Variants in UBAP2 observed in about 807,000 individuals in gnomAD.
UBAP2 encodes the protein ubiquitin-associated protein 2.
Under a neutral mutation model 139.6 loss-of-function variants are expected in UBAP2, and 75 were observed. The ratio of observed to expected loss-of-function variants is 0.54; its 90% CI spans 0.45 to 0.65. UBAP2 has a LOEUF of 0.65. Among genes scored for constraint, UBAP2 ranks in the 30% least tolerant of loss-of-function variants. UBAP2 has a pLI of 0.00. For missense variants in UBAP2, 1,368 were observed against 1,369.6 expected (o/e 1.00, Z 0.02); for synonymous variants, 526 against 526.2 (o/e 1.00, Z 0.01).
At chr9:33,966,412 C>T (rs1003940484) in intron 8 of UBAP2, among the ~76,000 whole-genome samples, 1 of 151,426 alleles carries the variant, frequency 6.6e-6, no homozygotes, top group African/African-American at 2.4e-5. Flanking sequence ...GTTGAGATCG[C>T]AACACTGCAC....
chr9:33,992,280 C>T (rs994689847), intron 4 of UBAP2, among the ~76,000 whole-genome samples: 7 of 147,930 alleles, frequency 4.7e-5, no homozygotes, highest in East Asian at 2.0e-4. Flanking sequence ...CCCAGCTACT[C>T]GGGAGGCTGA....
chr9:33,989,085 T>A lies in UBAP2; in HGVS notation c.330A>T (p.Ala110=). 1.2e-6 allele frequency: 2 copies of A among 1,614,050 alleles called. No individual in the cohort carries two copies. The highest frequency in any genetic ancestry group is 1.7e-6 in the Non-Finnish European group (2 of 1,179,992). Residue 110 remains alanine (A), a synonymous_variant, in exon 5 of 29, where the codon GCA becomes GCT. Transcript: ENST00000379238. ...ETVGCKKKNF[A]KENSENKENR... ...TCTCTTTGTTTTCTGAATTTTCTTT[T>A]GCAAAATTCTTTTTCTTACACCCTA...
In UBAP2 at chr9:33,970,648, C is replaced by T. The variant is rs191642827; in HGVS notation, c.679+1003G>A. On this transcript the variant is annotated intron_variant, in intron 8 of 28. Transcript: ENST00000379238. ...GAGGTCTTACTATGTTAACCAGGCT[C>T]GTCTCAAACTCTGGCTCAAGTGATC... Among the ~76,000 whole-genome samples, 9 of 152,186 alleles carry T rather than the reference C, an allele frequency of 5.9e-5. No individual in the cohort carries two copies. In the East Asian group the frequency reaches 1.4e-3, roughly 23 times the overall value.
intron 8 of UBAP2, chr9:33,968,632 G>T: frequency 7.6e-6 from 2 of 264,536 alleles, no homozygotes; most frequent in Non-Finnish European, 1.5e-5. Flanking sequence ...ATAATCATAC[G>T]GATTTTTCTC....
intron 1 of UBAP2, among the ~76,000 whole-genome samples, chr9:34,045,279 G>A (rs1351030941): frequency 1.3e-5 from 2 of 151,488 alleles, no homozygotes; most frequent in African/African-American, 4.9e-5. Context: ...CCAGAAGGCG[G>A]AGCTTGAAGT....
At position 33,922,350 on chromosome 9, in the gene UBAP2, TAC is replaced by T. The variant is rs1244992978; in HGVS notation, c.*152_*153del. On this transcript the variant is annotated 3_prime_UTR_variant, in exon 29 of 29. Coordinates refer to ENST00000379238, the MANE Select transcript of UBAP2 (RefSeq NM_001370062.2). ...CAAATACATACATAAATACATTACA[TAC>T]AGTAGCCAGTCTGGGAGGCAGACTC... 2.2e-5 allele frequency: 16 copies of T among 724,938 alleles called. No homozygotes were observed. Among genetic ancestry groups the T allele is most frequent in the Non-Finnish European group, 3.6e-5 (15 of 417,554 alleles). 44.9% of individuals were successfully genotyped at this position (724,938 alleles called of 1,614,324 possible).
intron 4 of UBAP2, among the ~76,000 whole-genome samples, chr9:33,990,056 C>CAT (rs4008759): frequency 2.4e-4 from 36 of 149,598 alleles, no homozygotes; most frequent in African/African-American, 6.8e-4. Flanking sequence ...TCTAATCTAC[C>CAT]ATATATATAT....
Position 33,978,658 on chromosome 9 carries a change from T to TA in UBAP2, c.521-5422dup, listed in dbSNP as rs553238678. Among the ~76,000 whole-genome samples the TA allele has an allele frequency of 7.4e-4, 112 of 152,122 alleles. 1 individual carries two copies. The South Asian group carries it at 0.023, about 31-fold the overall frequency. The stretch of plus-strand genomic sequence containing the variant: ...AGCCCGATGTGCTGGCGGGTGCCTA[T>TA]AGTCCCAACTATTCGGGAGGCTGAG... On this transcript the variant is annotated intron_variant, in intron 6 of 28. Transcript: ENST00000379238.
chr9:33,939,610 G>T (rs541280699), intron 16 of UBAP2, among the ~76,000 whole-genome samples: 5 of 149,158 alleles, frequency 3.4e-5, no homozygotes, highest in Admixed American at 1.4e-4. Context: ...AATTAGCCAG[G>T]TATGGTGGCA....
chr9:34,049,173 A>C (rs183320868), upstream of UBAP2, among the ~76,000 whole-genome samples: 2 of 152,240 alleles, frequency 1.3e-5, no homozygotes, highest in African/African-American at 4.8e-5. Context: ...CCACAACTGC[A>C]GCTCGTCGTC....
At position 33,922,221 on chromosome 9, in the gene UBAP2, G is replaced by C; in HGVS notation, c.*283C>G. 1 of 433,738 alleles carries C rather than the reference G, an allele frequency of 2.3e-6. No individual in the cohort carries two copies. Among genetic ancestry groups the C allele is most frequent in the Non-Finnish European group, 4.3e-6 (1 of 235,138 alleles). 26.9% of individuals were successfully genotyped at this position (433,738 alleles called of 1,614,324 possible). On this transcript the variant is annotated 3_prime_UTR_variant, in exon 29 of 29. Transcript: ENST00000379238. The stretch of plus-strand genomic sequence containing the variant: ...AGACCTGAAGGCAGATGGGGTGGGG[G>C]TGCTTATTTTGCTACAGTGGAGAAG...
intron 1 of UBAP2, among the ~76,000 whole-genome samples, chr9:34,039,093 C>A (rs1037770961): frequency 6.6e-6 from 1 of 151,976 alleles, no homozygotes; most frequent in African/African-American, 2.4e-5. Context: ...GCAGCCACCC[C>A]GTCTGGGAAG....
chr9:34,024,866 C>G (rs1825274807), intron 1 of UBAP2, among the ~76,000 whole-genome samples: 1 of 152,064 alleles, frequency 6.6e-6, no homozygotes, highest in East Asian at 1.9e-4. Context: ...AGCCTGTAAT[C>G]CCAGCTATTT....
intron 12 of UBAP2, 68 bp from the exon 13 acceptor site, chr9:33,948,655 A>T (rs1825846291): frequency 1.6e-6 from 2 of 1,273,434 alleles, no homozygotes; most frequent in East Asian, 4.7e-5. Flanking sequence ...TTTAAAACAT[A>T]TCAAGTATTT....
At chr9:34,020,150 TAAA>T (rs1174976366) in intron 1 of UBAP2, among the ~76,000 whole-genome samples, 2,145 of 127,038 alleles carry the variant, frequency 0.017, 32 homozygotes, top group South Asian at 0.027. Context: ...ACTCCATTAT[TAAA>T]AAAAAAAAAA....
rs147797089 is a variant in UBAP2 at position 33,952,608 on chromosome 9, G to A, written c.1056+677C>T. ...AGCAAGTCAATTCTGATAAACTTTC[G>A]CATTTAATTGGAAAACAAGAAATTG... On this transcript the variant is annotated intron_variant, in intron 12 of 28. Coordinates refer to ENST00000379238, the MANE Select transcript of UBAP2 (RefSeq NM_001370062.2). Among the ~76,000 whole-genome samples the A allele has an allele frequency of 4.8e-3, 727 of 152,178 alleles. 21 individuals carry two copies. The highest frequency in any genetic ancestry group is 0.045 in the Admixed American group (684 of 15,288).
Position 33,923,300 on chromosome 9 carries a change from TG to T in UBAP2, c.2897-8del. On this transcript the variant is annotated splice_polypyrimidine_tract_variant and splice_region_variant and intron_variant, in intron 25 of 28. Transcript: ENST00000379238. The stretch of plus-strand genomic sequence containing the variant: ...TGGGTCAGGTCGTCATAACCTAGCG[TG>T]GCAGGGTACAAGAGGCAAGTGTGAG... 6.2e-7 allele frequency: 1 copy of T among 1,614,126 alleles called. No individual in the cohort carries two copies. The highest frequency in any genetic ancestry group is 1.3e-5 in the African/African-American group (1 of 75,050).
intron 2 of UBAP2, among the ~76,000 whole-genome samples, chr9:34,005,799 TA>T (rs1823153642): frequency 6.6e-6 from 1 of 152,134 alleles, no homozygotes; most frequent in African/African-American, 2.4e-5. Context: ...TATAGAGCCT[TA>T]AAACTAAAAT....
intron 2 of UBAP2, among the ~76,000 whole-genome samples, chr9:34,000,345 T>G (rs182989459): frequency 1.8e-4 from 27 of 152,316 alleles, no homozygotes; most frequent in Admixed American, 5.2e-4. Flanking sequence ...CTGACTGAAG[T>G]TTCGTTTTCT....
Sources: allele counts gnomAD v4.1 joint callset (sites outside exome capture counted in the v4.1 genomes callset), GRCh38; gene constraint gnomAD v4.1.1; transcripts MANE v1.5; gene names NCBI Gene and HGNC (gene_info 2026-07-23, HGNC 2026-07-21).